Variants in PTPRO observed in about 807,000 individuals in gnomAD.
The protein encoded by PTPRO is protein tyrosine phosphatase receptor type O.
PTPRO carries 62 observed loss-of-function variants against 145.2 expected under a neutral mutation model. The observed-to-expected ratio is 0.43, with a 90% CI of 0.35 to 0.53. PTPRO has a LOEUF of 0.53. PTPRO is among the 20% of genes least tolerant of loss of function. The pLI, the probability that PTPRO is intolerant of heterozygous loss-of-function variation, is 0.01. For missense variants in PTPRO, 1,345 were observed against 1,482.7 expected, an observed-to-expected ratio of 0.91 and a Z score of 1.53; for synonymous variants, 565 against 514.7, an observed-to-expected ratio of 1.10 and a Z score of -1.32.
chr12:15,344,458 C>T (rs1180092897), intron 1 of PTPRO, among the ~76,000 whole-genome samples: 2 of 152,124 alleles, frequency 1.3e-5, no homozygotes, highest in African/African-American at 4.8e-5. Context: ...AAAAGAATAG[C>T]TCTCTATCTT....
In PTPRO at chr12:15,589,495, A is replaced by G. The variant is rs1249226955; in HGVS notation, c.3451A>G (p.Arg1151Gly). ...GACAGGAACATTCATTGCCCTGGAC[A>G]GGCTCTTGCAGCACATTCGGGATCA... Reference protein sequence around the residue: ...GRTGTFIALDRLLQHIRDHEF... With the variant: ...GRTGTFIALDGLLQHIRDHEF... The change falls in exon 25 of 27, where the codon AGG (arginine) becomes GGG (glycine). Residue 1151 changes from arginine (R) to glycine (G), a missense_variant. Coordinates refer to ENST00000281171, the MANE Select transcript of PTPRO (RefSeq NM_030667.3). 6.2e-7 allele frequency: 1 copy of G among 1,614,144 alleles called. No homozygotes were observed. Among genetic ancestry groups the G allele is most frequent in the Non-Finnish European group, 8.5e-7 (1 of 1,180,006 alleles).
chr12:15,354,414 T>C (rs1937918171), intron 1 of PTPRO, among the ~76,000 whole-genome samples: 2 of 152,246 alleles, frequency 1.3e-5, no homozygotes, highest in Admixed American at 1.3e-4. Flanking sequence ...TCTTTCTTAG[T>C]GCTTCAAACT....
intron 1 of PTPRO, among the ~76,000 whole-genome samples, chr12:15,387,684 A>G (rs1352062649): frequency 6.6e-6 from 1 of 152,234 alleles, no homozygotes; most frequent in Non-Finnish European, 1.5e-5. Flanking sequence ...TGTCTAAAAC[A>G]TAACCTGGTA....
intron 1 of PTPRO, among the ~76,000 whole-genome samples, chr12:15,415,853 A>G (rs1939956455): frequency 6.6e-6 from 1 of 151,844 alleles, no homozygotes; most frequent in South Asian, 2.1e-4. Flanking sequence ...CAGGAAGAAG[A>G]GAGCAAACAT....
Position 15,544,752 on chromosome 12 carries a change from A to T in PTPRO, c.2165-1817A>T, listed in dbSNP as rs118186170. Among the ~76,000 whole-genome samples, 133 of 152,288 alleles carry T rather than the reference A, an allele frequency of 8.7e-4. 1 individual carries two copies. The East Asian group carries it at 0.024, about 27-fold the overall frequency. ...ATGAGTCAGAATCCCTAAAGGACAT[A>T]ATCCTATTAGCAAAGGCAGTTATAA... On this transcript the variant is annotated intron_variant, in intron 12 of 26. Transcript: ENST00000281171.
intron 1 of PTPRO, among the ~76,000 whole-genome samples, chr12:15,390,899 A>G (rs967401282): frequency 9.9e-5 from 15 of 152,216 alleles, no homozygotes; most frequent in Admixed American, 6.5e-4. Context: ...GGGAAGTCCA[A>G]GGTCAAGGTG....
rs146545462 is a variant in PTPRO at position 15,372,630 on chromosome 12, G to A, written c.75+49829G>A. On this transcript the variant is annotated intron_variant, in intron 1 of 26. Coordinates refer to ENST00000281171, the MANE Select transcript of PTPRO (RefSeq NM_030667.3). ...ATTGGAATGCAGCCAAAACAGTAAA[G>A]TAAAGTTAACTGCCTGCAAGTGAAA... Among the ~76,000 whole-genome samples the A allele has an allele frequency of 4.1e-4, 62 of 152,288 alleles. No homozygotes were observed. In the East Asian group the frequency reaches 0.01, roughly 25 times the overall value.
chr12:15,528,515 A>G (rs1422194317), intron 12 of PTPRO, among the ~76,000 whole-genome samples: 1 of 128,346 alleles, frequency 7.8e-6, no homozygotes, highest in African/African-American at 3.0e-5. Context: ...ACAGAGCAAG[A>G]ATCTGTCAAA....
chr12:15,400,365 G>A (rs1233996325), intron 1 of PTPRO, among the ~76,000 whole-genome samples: 1 of 152,108 alleles, frequency 6.6e-6, no homozygotes, highest in African/African-American at 2.4e-5. Flanking sequence ...ACCCCCAGCA[G>A]CCTCACCTGC....
At chr12:15,406,838 A>T (rs564188835) in intron 1 of PTPRO, among the ~76,000 whole-genome samples, 1 of 152,238 alleles carries the variant, frequency 6.6e-6, no homozygotes, top group African/African-American at 2.4e-5. Context: ...AGATAAACTA[A>T]AAAACAACAA....
chr12:15,344,796 T>A lies in PTPRO; in HGVS notation c.75+21995T>A, dbSNP rs532275637. On this transcript the variant is annotated intron_variant, in intron 1 of 26. Coordinates refer to ENST00000281171, the MANE Select transcript of PTPRO (RefSeq NM_030667.3). ...CCAACCTCACACTTCCATGGCACCATCCCTCCATGATAAATCCTGAAATGC... is the reference window on the plus strand; with the variant it reads ...CCAACCTCACACTTCCATGGCACCAACCCTCCATGATAAATCCTGAAATGC... 1.3e-4 allele frequency among the ~76,000 whole-genome samples: 20 copies of A among 152,242 alleles called. No individual in the cohort carries two copies. In the South Asian group the frequency reaches 4.2e-3, roughly 32 times the overall value.
chr12:15,428,930 C>T (rs1940356631), intron 1 of PTPRO, among the ~76,000 whole-genome samples: 1 of 152,180 alleles, frequency 6.6e-6, no homozygotes, highest in Admixed American at 6.6e-5. Flanking sequence ...AAAAGTTTTA[C>T]TTTCTTCCTG....
chr12:15,518,662 A>G (rs1231686421), intron 9 of PTPRO, among the ~76,000 whole-genome samples: 1 of 152,336 alleles, frequency 6.6e-6, no homozygotes, highest in Non-Finnish European at 1.5e-5. Flanking sequence ...TTCTTCTGCC[A>G]GATACCCTAA....
intron 1 of PTPRO, chr12:15,348,180 G>C (rs1399915000): frequency 6.6e-6 from 1 of 152,126 alleles, no homozygotes; most frequent in African/African-American, 2.4e-5. Flanking sequence ...ATTTCTAGCT[G>C]GGCTCTCCAA....
chr12:15,499,512 G>T lies in PTPRO; in HGVS notation c.579G>T (p.Gln193His). The change falls in exon 4 of 27, where the codon CAG (glutamine) becomes CAT (histidine). Residue 193 changes from glutamine (Q) to histidine (H), a missense_variant. By Grantham distance (24) the Gln-to-His change is conservative (BLOSUM62 0). Coordinates refer to ENST00000281171, the MANE Select transcript of PTPRO (RefSeq NM_030667.3). Reference protein sequence around the residue: ...PGMCYSNITFQLVSEATFNKS... With the variant: ...PGMCYSNITFHLVSEATFNKS... ...TGTGTTATAGTAATATCACCTTTCA[G>T]CTGGTATCTGAGGCAACTTTTAATA... 6.2e-7 allele frequency: 1 copy of T among 1,613,718 alleles called. No individual in the cohort carries two copies. Among genetic ancestry groups the T allele is most frequent in the Non-Finnish European group, 8.5e-7 (1 of 1,179,718 alleles).
At chr12:15,531,612 G>A (rs1396374051) in intron 12 of PTPRO, among the ~76,000 whole-genome samples, 3 of 152,076 alleles carry the variant, frequency 2.0e-5, no homozygotes, top group African/African-American at 4.8e-5. Flanking sequence ...AGGGAAACTC[G>A]AAGACAGTAT....
Position 15,503,956 on chromosome 12 carries a change from T to C in PTPRO, c.1154T>C (p.Val385Ala), listed in dbSNP as rs1942270656. 1.3e-6 allele frequency: 2 copies of C among 1,592,668 alleles called. No individual in the cohort carries two copies. The highest frequency in any genetic ancestry group is 1.3e-5 in the African/African-American group (1 of 74,424). The change falls in exon 6 of 27, where the codon GTT becomes GCT. Residue 385 changes from valine to alanine, a missense_variant. By Grantham distance (64) the Val-to-Ala change is moderately conservative. This residue lies in a region of PTPRO where 1,130 missense variants were observed against 1,214.7 expected (regional missense o/e 0.93). Coordinates refer to ENST00000281171, the MANE Select transcript of PTPRO (RefSeq NM_030667.3). ...GTGGATGAAGAAGCACATGAATTTG[T>C]TGCAGAACTGAAGGAACCTGGGAAA... ...LMVDEEAHEF[V>A]AELKEPGKYK...
At chr12:15,465,228 T>C (rs1176494403) in intron 1 of PTPRO, among the ~76,000 whole-genome samples, 1 of 152,240 alleles carries the variant, frequency 6.6e-6, no homozygotes, top group Non-Finnish European at 1.5e-5. Context: ...ATATTGTTGT[T>C]CCAGCCTTCT....
intron 1 of PTPRO, among the ~76,000 whole-genome samples, chr12:15,402,113 G>A (rs1939511083): frequency 6.6e-6 from 1 of 152,082 alleles, no homozygotes; most frequent in African/African-American, 2.4e-5. Context: ...TAGGAAGCCG[G>A]GCACAGTGGC....
Sources: gnomAD v4.1 joint callset for allele counts (sites outside exome capture counted in the v4.1 genomes callset) on GRCh38, gnomAD v4.1.1 for gene constraint, gnomAD v4.1.1 regional missense constraint, MANE v1.5 for transcripts, NCBI Gene and HGNC (gene_info 2026-07-23, HGNC 2026-07-21) for gene names.